Variants in RPSA2 observed in about 807,000 individuals in gnomAD.
RPSA2 encodes the protein small ribosomal subunit protein uS2B.
the RPSA2 span, among the ~76,000 whole-genome samples, chr19:23,803,095 AT>A: frequency 4.7e-5 from 7 of 149,828 alleles, no homozygotes; most frequent in African/African-American, 7.3e-5. Context: ...CTGAGATTTA[AT>A]TTTTTTTTTT....
chr19:23,772,322 C>T, the RPSA2 span, among the ~76,000 whole-genome samples: 1 of 152,166 alleles, frequency 6.6e-6, no homozygotes, highest in South Asian at 2.1e-4. Context: ...TGGCTGAGCA[C>T]CTAGGTGATG....
chr19:23,815,467 A>G, the RPSA2 span, among the ~76,000 whole-genome samples: 4 of 152,232 alleles, frequency 2.6e-5, no homozygotes, highest in South Asian at 8.3e-4. Flanking sequence ...CCTTCACCTC[A>G]TACTTGCTCT....
At chr19:23,784,507 A>T in the RPSA2 span, among the ~76,000 whole-genome samples, 4 of 152,222 alleles carry the variant, frequency 2.6e-5, no homozygotes, top group African/African-American at 7.2e-5. Flanking sequence ...AGCCAATTAG[A>T]GAGATGTTGA....
the RPSA2 span, among the ~76,000 whole-genome samples, chr19:23,792,760 G>A: frequency 2.6e-5 from 4 of 151,748 alleles, no homozygotes; most frequent in South Asian, 2.1e-4. Flanking sequence ...TGATCTGCCC[G>A]CCTCGGCCTC....
At chr19:23,807,230 T>A in the RPSA2 span, among the ~76,000 whole-genome samples, 2 of 152,226 alleles carry the variant, frequency 1.3e-5, no homozygotes, top group African/African-American at 4.8e-5. Context: ...GCTCTCATCT[T>A]TGTTTACAGG....
the RPSA2 span, among the ~76,000 whole-genome samples, chr19:23,856,314 A>T: frequency 1.3e-5 from 2 of 152,136 alleles, no homozygotes; most frequent in Admixed American, 6.5e-5. Context: ...ATAGTTCCAC[A>T]TCTAACGTTC....
At chr19:23,804,910 A>G in the RPSA2 span, among the ~76,000 whole-genome samples, 1 of 152,088 alleles carries the variant, frequency 6.6e-6, no homozygotes, top group African/African-American at 2.4e-5. Context: ...TAAGTGTCTC[A>G]TGTGACTCTA....
At chr19:23,786,739 G>C in the RPSA2 span, among the ~76,000 whole-genome samples, 1 of 152,026 alleles carries the variant, frequency 6.6e-6, no homozygotes, top group East Asian at 1.9e-4. Context: ...TACTGGCCTA[G>C]CATCTAGGTG....
At chr19:23,822,252 G>T in the RPSA2 span, among the ~76,000 whole-genome samples, 1 of 152,194 alleles carries the variant, frequency 6.6e-6, no homozygotes, top group African/African-American at 2.4e-5. Flanking sequence ...AAGCTGGGTT[G>T]CGTCATTTGG....
chr19:23,794,811 TA>T, the RPSA2 span, among the ~76,000 whole-genome samples: 1 of 152,194 alleles, frequency 6.6e-6, no homozygotes, highest in African/African-American at 2.4e-5. Context: ...GGGTCTTTTA[TA>T]ATTTTCAAAT....
the RPSA2 span, among the ~76,000 whole-genome samples, chr19:23,857,485 CTTTTTTT>C: frequency 2.1e-5 from 2 of 95,252 alleles, no homozygotes; most frequent in Admixed American, 1.2e-4. Flanking sequence ...TTTTTAAAGT[CTTTTTTT>C]TTTTTTTTTT....
chr19:23,845,892 T>A, the RPSA2 span, among the ~76,000 whole-genome samples: 1 of 152,226 alleles, frequency 6.6e-6, no homozygotes, highest in Non-Finnish European at 1.5e-5. Context: ...TATCAATTCA[T>A]AATTTTATTC....
the RPSA2 span, among the ~76,000 whole-genome samples, chr19:23,776,373 G>A: frequency 2.0e-4 from 31 of 152,194 alleles, no homozygotes; most frequent in African/African-American, 7.5e-4. Flanking sequence ...TGCACCCAGG[G>A]GATGGGAGTT....
chr19:23,825,288 A>G, the RPSA2 span, among the ~76,000 whole-genome samples: 3 of 152,112 alleles, frequency 2.0e-5, no homozygotes, highest in African/African-American at 7.2e-5. Context: ...TTTTGCAATT[A>G]TAGATTTTTG....
the RPSA2 span, among the ~76,000 whole-genome samples, chr19:23,857,712 G>T: frequency 6.6e-6 from 1 of 151,846 alleles, no homozygotes; most frequent in Admixed American, 6.6e-5. Flanking sequence ...GGTCAGGCTG[G>T]TCTCGAACTG....
the RPSA2 span, among the ~76,000 whole-genome samples, chr19:23,870,324 A>T: frequency 4.6e-5 from 7 of 152,224 alleles, no homozygotes; most frequent in African/African-American, 1.7e-4. Flanking sequence ...TACAAACTGA[A>T]GTGGTAATAT....
At chr19:23,782,471 T>G in the RPSA2 span, 2 of 152,174 alleles carry the variant, frequency 1.3e-5, no homozygotes, top group African/African-American at 4.8e-5. Flanking sequence ...TCTTCACCCA[T>G]TACAATCTCT....
the RPSA2 span, among the ~76,000 whole-genome samples, chr19:23,763,475 T>A: frequency 6.6e-6 from 1 of 152,218 alleles, no homozygotes; most frequent in African/African-American, 2.4e-5. Context: ...TCCCAGTGTC[T>A]TTTGTTAAAC....
chr19:23,855,903 T>C, the RPSA2 span, among the ~76,000 whole-genome samples: 1 of 151,774 alleles, frequency 6.6e-6, no homozygotes, highest in Admixed American at 6.6e-5. Context: ...ACCGCAAAGG[T>C]TTGGAGAGGG....
Sources: allele counts gnomAD v4.1 joint callset (sites outside exome capture counted in the v4.1 genomes callset), GRCh38; gene constraint gnomAD v4.1.1; transcripts MANE v1.5; gene names NCBI Gene and HGNC (gene_info 2026-07-23, HGNC 2026-07-21).